Variants in RSU1 observed in about 807,000 individuals in gnomAD.
The protein encoded by RSU1 is Ras suppressor protein 1, also known as rsu-1.
In RSU1, 26 loss-of-function variants were observed where a neutral mutation model predicts 31.1. The ratio of observed to expected loss-of-function variants is 0.84; its 90% confidence interval spans 0.61 to 1.16. The LOEUF is 1.16. RSU1 is among the 50% of genes most tolerant of loss of function. RSU1 has a pLI of 0.00. For missense variants in RSU1, 320 were observed against 339.1 expected (o/e 0.94, Z 0.44); for synonymous variants, 164 against 136.3 (o/e 1.20, Z -1.41).
chr10:16,724,681 G>A (rs1355839625), intron 7 of RSU1, among the ~76,000 whole-genome samples: 1 of 152,158 alleles, frequency 6.6e-6, no homozygotes, highest in East Asian at 1.9e-4. Flanking sequence ...AACGAGGGAG[G>A]GGACATAGTG....
chr10:16,786,555 G>T (rs1393911826), intron 2 of RSU1, among the ~76,000 whole-genome samples: 1 of 151,858 alleles, frequency 6.6e-6, no homozygotes, highest in African/African-American at 2.4e-5. Context: ...TGGGGTGGGG[G>T]GGAGTCAGGT....
intron 2 of RSU1, among the ~76,000 whole-genome samples, chr10:16,785,001 G>A (rs1470734457): frequency 6.6e-6 from 1 of 152,096 alleles, no homozygotes; most frequent in African/African-American, 2.4e-5. Context: ...GTACAAAGGT[G>A]GTGTGATGGT....
At chr10:16,817,211 A>T in intron 1 of RSU1, 104 bp downstream of exon 1, 1,062 of 581,824 alleles carry the variant, frequency 1.8e-3, no homozygotes, top group East Asian at 4.9e-3. Flanking sequence ...AGGGCGTCCC[A>T]GGGGCTGGTC....
chr10:16,742,477 CT>C (rs372889489), intron 7 of RSU1, among the ~76,000 whole-genome samples: 5 of 150,914 alleles, frequency 3.3e-5, no homozygotes, highest in Non-Finnish European at 3.0e-5. Context: ...TATAACCTTG[CT>C]TTTTTTTTCT....
intron 8 of RSU1, among the ~76,000 whole-genome samples, chr10:16,657,207 T>C (rs2131522454): frequency 6.6e-6 from 1 of 152,116 alleles, no homozygotes; most frequent in African/African-American, 2.4e-5. Flanking sequence ...TCTAGTTCAC[T>C]GCTACCGAGT....
intron 7 of RSU1, chr10:16,727,269 T>C: frequency 2.7e-6 from 1 of 374,712 alleles, no homozygotes; most frequent in Non-Finnish European, 5.5e-6. Context: ...GATAACTTGA[T>C]TGGAGGCAAA....
chr10:16,790,200 A>G (rs1301539948), intron 2 of RSU1, among the ~76,000 whole-genome samples: 2 of 152,188 alleles, frequency 1.3e-5, no homozygotes, highest in East Asian at 1.9e-4. Flanking sequence ...TCACGCAGGC[A>G]CTTATTGACT....
At position 16,695,164 on chromosome 10, in the gene RSU1, GGGGAAA is replaced by G; in HGVS notation, c.599-15_599-10del. ...AGTTAAATCCAAGTTTCCTGGGGGG[GGGGAAA>G]AAAAAAGTGAAGGTCACTTCATCCA... On this transcript the variant is annotated splice_polypyrimidine_tract_variant and intron_variant, in intron 7 of 8. Coordinates refer to ENST00000345264, the MANE Select transcript of RSU1 (RefSeq NM_012425.4). 1 of 1,459,878 alleles carries G rather than the reference GGGGAAA, an allele frequency of 6.8e-7. No homozygotes were observed. The highest frequency in any genetic ancestry group is 9.2e-7 in the Non-Finnish European group (1 of 1,086,480). 90.4% of individuals were successfully genotyped at this position (1,459,878 alleles called of 1,614,324 possible). A position where few individuals can be genotyped will look rare whatever the true frequency, so the allele number is the denominator to read the frequency against.
chr10:16,593,458 G>T lies in RSU1; in HGVS notation c.770C>A (p.Pro257Gln). The change falls in exon 9 of 9, where the codon CCG (proline) becomes CAG (glutamine). Residue 257 changes from proline (P) to glutamine (Q), a missense_variant. Physicochemically the swap from Pro to Gln is moderately conservative, Grantham distance 76. Coordinates refer to ENST00000345264, the MANE Select transcript of RSU1 (RefSeq NM_012425.4). Reference sequence around the variant, plus strand: ...TTTCGATTTGTCATTATTCTTCTTCGGTGGTTCTGGGTTGGCCTGCATGTG... The same window carrying T: ...TTTCGATTTGTCATTATTCTTCTTCTGTGGTTCTGGGTTGGCCTGCATGTG... ...GRHMQANPEP[P>Q]KKNNDKSKKI... 6.2e-7 allele frequency: 1 copy of T among 1,614,062 alleles called. No individual in the cohort carries two copies. The highest frequency in any genetic ancestry group is 8.5e-7 in the Non-Finnish European group (1 of 1,179,994).
At chr10:16,787,268 C>G (rs139733577) in intron 2 of RSU1, among the ~76,000 whole-genome samples, 3 of 152,040 alleles carry the variant, frequency 2.0e-5, no homozygotes, top group Non-Finnish European at 2.9e-5. Context: ...TGGAATCTTG[C>G]GAGCCCTTTC....
At chr10:16,679,972 C>T (rs1226545605) in intron 8 of RSU1, among the ~76,000 whole-genome samples, 2 of 151,230 alleles carry the variant, frequency 1.3e-5, no homozygotes, top group Non-Finnish European at 2.9e-5. Flanking sequence ...ATCTCTCCCT[C>T]CCAGGTTCAA....
At chr10:16,641,798 G>A (rs575889488) in intron 8 of RSU1, among the ~76,000 whole-genome samples, 1 of 152,170 alleles carries the variant, frequency 6.6e-6, no homozygotes, top group Admixed American at 6.5e-5. Context: ...ACAGCAGACC[G>A]ACTTCCCATC....
At chr10:16,736,883 G>A (rs1236494988) in intron 7 of RSU1, among the ~76,000 whole-genome samples, 1 of 152,100 alleles carries the variant, frequency 6.6e-6, no homozygotes, top group East Asian at 1.9e-4. Flanking sequence ...ACACTTGGAA[G>A]TGAAAAATGC....
At chr10:16,702,853 CA>C (rs1835821358) in intron 7 of RSU1, among the ~76,000 whole-genome samples, 1 of 152,058 alleles carries the variant, frequency 6.6e-6, no homozygotes, top group South Asian at 2.1e-4. Flanking sequence ...TTGGAGGGGC[CA>C]GGGGCAGAAT....
intron 2 of RSU1, among the ~76,000 whole-genome samples, chr10:16,797,789 A>G (rs1342289855): frequency 6.6e-6 from 1 of 152,062 alleles, no homozygotes; most frequent in African/African-American, 2.4e-5. Context: ...ATTCAAAGAC[A>G]TATAAGAGCA....
At chr10:16,730,503 G>T (rs1341442825) in intron 7 of RSU1, among the ~76,000 whole-genome samples, 1 of 152,080 alleles carries the variant, frequency 6.6e-6, no homozygotes, top group African/African-American at 2.4e-5. Context: ...CCATCCTAGG[G>T]TACCCTATTA....
chr10:16,648,117 T>TAA (rs1369476519), intron 8 of RSU1, among the ~76,000 whole-genome samples: 2 of 125,576 alleles, frequency 1.6e-5, no homozygotes, highest in African/African-American at 3.7e-5. Context: ...CCTGGCTAAT[T>TAA]TAAAAAAAAA....
chr10:16,699,455 C>T (rs940571223), intron 7 of RSU1, among the ~76,000 whole-genome samples: 6 of 152,290 alleles, frequency 3.9e-5, no homozygotes, highest in African/African-American at 7.2e-5. Context: ...ACCATTGCCT[C>T]GGCAGAGCTC....
At chr10:16,645,285 G>A (rs904159557) in intron 8 of RSU1, among the ~76,000 whole-genome samples, 1 of 152,086 alleles carries the variant, frequency 6.6e-6, no homozygotes, top group Non-Finnish European at 1.5e-5. Flanking sequence ...TTCATTCTAG[G>A]TGAGATTTAG....
Sources: gnomAD v4.1 joint callset for allele counts (sites outside exome capture counted in the v4.1 genomes callset) on GRCh38, gnomAD v4.1.1 for gene constraint, MANE v1.5 for transcripts, NCBI Gene and HGNC (gene_info 2026-07-23, HGNC 2026-07-21) for gene names.